INPP5A: variants seen among roughly 807,000 people sequenced by gnomAD.
INPP5A encodes the protein 43 kDa inositol polyphosphate 5-phophatase.
In INPP5A, 14 loss-of-function variants were observed where a neutral mutation model predicts 65.2. The observed-to-expected ratio is 0.21, with a 90% CI of 0.14 to 0.34. The LOEUF is 0.34. INPP5A is among the 10% of genes least tolerant of loss of function. The pLI is 1.00. For missense variants in INPP5A, 431 were observed against 545.6 expected (o/e 0.79, Z 2.09); for synonymous variants, 207 against 208.3 (o/e 0.99, Z 0.05).
intron 1 of INPP5A, among the ~76,000 whole-genome samples, chr10:132,593,238 C>T (rs572518747): frequency 5.3e-5 from 8 of 152,260 alleles, no homozygotes; most frequent in Non-Finnish European, 1.0e-4. Context: ...TGCATGGGCG[C>T]GCCGTCTTCC....
chr10:132,754,910 T>G (rs765447205), intron 11 of INPP5A, among the ~76,000 whole-genome samples: 5 of 151,536 alleles, frequency 3.3e-5, no homozygotes, highest in Non-Finnish European at 5.9e-5. Flanking sequence ...CATGTGAGCC[T>G]GTAGGAGTAT....
rs958736752 is a variant in INPP5A, at chr10:132,664,928, C to T, written c.306+14423C>T. 3.9e-5 allele frequency among the ~76,000 whole-genome samples: 6 copies of T among 152,248 alleles called. 1 individual carries two copies. The highest frequency in any genetic ancestry group is 2.1e-4 in the South Asian group (1 of 4,828). Reference sequence around the variant, plus strand: ...CTGCTGTCTTAAGTATCGGAGTCCCCGATGTAGGCTTGTTGGGGTGGCTCA... The same window carrying T: ...CTGCTGTCTTAAGTATCGGAGTCCCTGATGTAGGCTTGTTGGGGTGGCTCA... On this transcript the variant is annotated intron_variant, in intron 4 of 15. Transcript: ENST00000368594.
rs1290378376 is a variant in INPP5A, at chr10:132,663,653, C to G, written c.306+13148C>G. ...CTGAGCCGGCAGGTGCCACTTCTAG[C>G]TTCTGGCTGGGGTTGGTTTGCAGTG... On this transcript the variant is annotated intron_variant, in intron 4 of 15. Transcript: ENST00000368594. This position sits in a 1 kb window ranked among gnomAD's most constrained non-coding sequence, Gnocchi z 4.5. Among the ~76,000 whole-genome samples, 1 of 152,246 alleles carries G rather than the reference C, an allele frequency of 6.6e-6. No individual in the cohort carries two copies. Among genetic ancestry groups the G allele is most frequent in the Admixed American group, 6.5e-5 (1 of 15,288 alleles).
At chr10:132,653,964 C>T (rs2072615704) in intron 4 of INPP5A, among the ~76,000 whole-genome samples, 1 of 152,198 alleles carries the variant, frequency 6.6e-6, no homozygotes. Context: ...CCTGGCAGCC[C>T]ATTCTTCAGC....
intron 9 of INPP5A, among the ~76,000 whole-genome samples, chr10:132,734,892 CTGAA>C (rs1248276567): frequency 6.6e-6 from 1 of 152,226 alleles, no homozygotes; most frequent in African/African-American, 2.4e-5. Flanking sequence ...AGCTTCGGGG[CTGAA>C]TGGAGTGGGT....
At chr10:132,728,695 G>A (rs1198932069) in intron 9 of INPP5A, among the ~76,000 whole-genome samples, 2 of 152,252 alleles carry the variant, frequency 1.3e-5, no homozygotes, top group Admixed American at 6.5e-5. Flanking sequence ...AATCCCGGGC[G>A]CCCAGCAATT....
intron 8 of INPP5A, 56 bp from the exon 9 acceptor site, chr10:132,726,765 C>A: frequency 8.0e-7 from 1 of 1,251,178 alleles, no homozygotes; most frequent in Non-Finnish European, 1.2e-6. Context: ...CGGGGCCGGG[C>A]ATGAGGGCTG....
rs2133447126 is a variant in INPP5A at position 132,676,758 on chromosome 10, C to T, written c.307-13634C>T. Among the ~76,000 whole-genome samples, 1 of 152,346 alleles carries T rather than the reference C, an allele frequency of 6.6e-6. No individual in the cohort carries two copies. On this transcript the variant is annotated intron_variant, in intron 4 of 15. Coordinates refer to ENST00000368594, the MANE Select transcript of INPP5A (RefSeq NM_005539.5). The surrounding 1 kb of genome is among the most constrained non-coding windows in gnomAD (Gnocchi z 4.0). Reference sequence around the variant, plus strand: ...TCCCTGACCGGCCCCTCCTGTTTCCCCCGTGGCTCCTTGCCCCACTGACTG... The same window carrying T: ...TCCCTGACCGGCCCCTCCTGTTTCCTCCGTGGCTCCTTGCCCCACTGACTG...
At chr10:132,690,343 A>C in intron 4 of INPP5A, 49 bp from the exon 5 acceptor site, 1 of 1,165,572 alleles carries the variant, frequency 8.6e-7, no homozygotes, top group Admixed American at 1.8e-5. Flanking sequence ...GATCTTTAGA[A>C]ATATTCCCAG....
In INPP5A at chr10:132,555,701, C is replaced by T. The variant is rs967826795; in HGVS notation, c.75+17530C>T. ...GGTCTATGAACTTTGATAACCTTGACAATTTTAGTTTAGTTTTCGTGCAGA... is the reference window on the plus strand; with the variant it reads ...GGTCTATGAACTTTGATAACCTTGATAATTTTAGTTTAGTTTTCGTGCAGA... On this transcript the variant is annotated intron_variant, in intron 1 of 15. Transcript: ENST00000368594. This position sits in a 1 kb window ranked among gnomAD's most constrained non-coding sequence, Gnocchi z 4.4. 6.6e-6 allele frequency among the ~76,000 whole-genome samples: 1 copy of T among 152,104 alleles called. No homozygotes were observed.
chr10:132,658,797 C>A (rs1389762447), intron 4 of INPP5A, among the ~76,000 whole-genome samples: 2 of 152,110 alleles, frequency 1.3e-5, no homozygotes, highest in South Asian at 2.1e-4. Context: ...ACCACCGAGA[C>A]TGCTGAGACC....
intron 10 of INPP5A, 62 bp from the exon 11 acceptor site, chr10:132,749,709 G>A: frequency 6.3e-7 from 1 of 1,597,882 alleles, no homozygotes; most frequent in East Asian, 2.2e-5. Flanking sequence ...TTCGGTGGGG[G>A]CTAGGGGACA....
chr10:132,668,701 G>C (rs996778909), intron 4 of INPP5A, among the ~76,000 whole-genome samples: 2 of 152,188 alleles, frequency 1.3e-5, no homozygotes, highest in Admixed American at 1.3e-4. Context: ...CATTCCTCCT[G>C]ATGTTTTTAT....
rs1845412585 is a variant in INPP5A at position 132,700,076 on chromosome 10, C to T, written c.474+2157C>T. Among the ~76,000 whole-genome samples the T allele has an allele frequency of 2.6e-5, 4 of 152,334 alleles. No individual in the cohort carries two copies. In the South Asian group the frequency reaches 8.3e-4, roughly 32 times the overall value. On this transcript the variant is annotated intron_variant, in intron 6 of 15. Transcript: ENST00000368594. The stretch of plus-strand genomic sequence containing the variant: ...GCATAGCACGAGGGGCCGCCCCTCC[C>T]CCAGGAAGAGCAGCCTCAGGCCCGG...
At chr10:132,711,354 C>T (rs1297395243) in intron 8 of INPP5A, among the ~76,000 whole-genome samples, 1 of 152,202 alleles carries the variant, frequency 6.6e-6, no homozygotes, top group African/African-American at 2.4e-5. Flanking sequence ...AGCTCAGGCC[C>T]CACAGCCAGG....
At chr10:132,573,080 G>A (rs933649247) in intron 1 of INPP5A, among the ~76,000 whole-genome samples, 3 of 149,384 alleles carry the variant, frequency 2.0e-5, no homozygotes, top group Non-Finnish European at 3.0e-5. Flanking sequence ...TGGGGTGTGT[G>A]TGCTGTGTGA....
At chr10:132,653,936 G>T (rs764540271) in intron 4 of INPP5A, among the ~76,000 whole-genome samples, 3 of 152,242 alleles carry the variant, frequency 2.0e-5, no homozygotes, top group Non-Finnish European at 4.4e-5. Flanking sequence ...GCCTCAAAGT[G>T]CCCGACAGTG....
chr10:132,628,472 G>GGGT (rs1554937178), intron 2 of INPP5A, among the ~76,000 whole-genome samples: 4 of 150,342 alleles, frequency 2.7e-5, no homozygotes, highest in Non-Finnish European at 5.9e-5. Flanking sequence ...GCGGGGGGGG[G>GGGT]GGGGGGCGTG....
chr10:132,778,302 ATTTTTTTTTTTTT>A (rs57172206), intron 13 of INPP5A, among the ~76,000 whole-genome samples: 3 of 72,960 alleles, frequency 4.1e-5, no homozygotes, highest in Admixed American at 1.6e-4. Context: ...TTTAATAATA[ATTTTTTTTTTTTT>A]TTTTTTTTTT....
Sources: allele counts gnomAD v4.1 joint callset (sites outside exome capture counted in the v4.1 genomes callset), GRCh38; gene constraint gnomAD v4.1.1; non-coding constraint Gnocchi (gnomAD v3.1); transcripts MANE v1.5; gene names NCBI Gene and HGNC (gene_info 2026-07-23, HGNC 2026-07-21).